The following CD86 variants were observed in gnomAD, a reference collection of about 807,000 sequenced individuals.
CD86 encodes CD86 molecule, also known as T-lymphocyte activation antigen CD86.
CD86 carries 11 observed loss-of-function variants against 32.1 expected under a neutral mutation model. The observed-to-expected ratio is 0.34, with a 90% CI of 0.22 to 0.57. The LOEUF (loss-of-function observed/expected upper bound fraction) is 0.57. Ranked by LOEUF, CD86 falls within the 20% of genes least tolerant of loss-of-function variation. The pLI, the probability that CD86 is intolerant of heterozygous loss-of-function variation, is 0.86. For missense variants in CD86, 359 were observed against 398.4 expected (o/e 0.90, Z 0.84); for synonymous variants, 137 against 135.3 (o/e 1.01, Z -0.09).
chr3:122,095,480 C>T (rs377494413), intron 2 of CD86, among the ~76,000 whole-genome samples: 5 of 152,160 alleles, frequency 3.3e-5, no homozygotes, highest in Non-Finnish European at 5.9e-5. Context: ...CCACTGCGCC[C>T]GGCCCACCTT....
intron 2 of CD86, among the ~76,000 whole-genome samples, chr3:122,102,123 G>T (rs977232730): frequency 3.4e-4 from 52 of 152,256 alleles, no homozygotes; most frequent in Admixed American, 7.2e-4. Flanking sequence ...ACAAGTGCAT[G>T]TCACTGTTAT....
At chr3:122,090,891 T>C (rs572030334) in intron 1 of CD86, among the ~76,000 whole-genome samples, 1 of 152,298 alleles carries the variant, frequency 6.6e-6, no homozygotes, top group African/African-American at 2.4e-5. Flanking sequence ...TCACCTTATG[T>C]TGTTAAACAT....
chr3:122,057,790 G>A (rs1576753489), intron 1 of CD86, among the ~76,000 whole-genome samples: 1 of 152,136 alleles, frequency 6.6e-6, no homozygotes, highest in East Asian at 1.9e-4. Flanking sequence ...GATCTTGAAA[G>A]GCATGTTCTG....
At chr3:122,061,828 A>G (rs946351144) in intron 1 of CD86, among the ~76,000 whole-genome samples, 1 of 152,232 alleles carries the variant, frequency 6.6e-6, no homozygotes, top group Non-Finnish European at 1.5e-5. Context: ...TGACCCAGCA[A>G]CTGCATTCTT....
intron 2 of CD86, among the ~76,000 whole-genome samples, chr3:122,093,721 G>A (rs2072863573): frequency 6.6e-6 from 1 of 152,040 alleles, no homozygotes; most frequent in African/African-American, 2.4e-5. Flanking sequence ...CCCTTACTTT[G>A]TGCCTGGTAC....
Position 122,120,533 on chromosome 3 carries a change from T to C in CD86, c.*999T>C, listed in dbSNP as rs2073328067. On this transcript the variant is annotated 3_prime_UTR_variant, in exon 7 of 7. Transcript: ENST00000330540. ...AAATGGACATAAGACAGACAGCAGT[T>C]TCCCTGGTGGTCAGGGAGGGGTTTT... 2.0e-5 allele frequency: 3 copies of C among 152,244 alleles called. No homozygotes were observed. The South Asian group carries it at 6.2e-4, about 31-fold the overall frequency. The allele number at this position is 152,244 out of a possible 1,614,324, so 9.4% of individuals were successfully genotyped here. A position where few individuals can be genotyped will look rare whatever the true frequency, so the allele number is the denominator to read the frequency against.
intron 1 of CD86, among the ~76,000 whole-genome samples, chr3:122,082,525 C>T (rs1174998007): frequency 6.6e-6 from 1 of 152,174 alleles, no homozygotes; most frequent in Non-Finnish European, 1.5e-5. Context: ...AACGTGATAC[C>T]ACAAGCGATG....
chr3:122,077,467 TAATG>T (rs2072570128), intron 1 of CD86, among the ~76,000 whole-genome samples: 1 of 152,230 alleles, frequency 6.6e-6, no homozygotes, highest in Non-Finnish European at 1.5e-5. Flanking sequence ...GAGATGTACT[TAATG>T]AATGATTTTG....
rs2072590773 is a variant in CD86, at chr3:122,078,871, G to T, written c.15-12730G>T. On this transcript the variant is annotated intron_variant, in intron 1 of 6. Transcript: ENST00000330540. ...CATGTAACCTCAATCTTGGGACTAAGGCCCTGTACTAAAATGCGTCTATTT... is the reference window on the plus strand; with the variant it reads ...CATGTAACCTCAATCTTGGGACTAATGCCCTGTACTAAAATGCGTCTATTT... 1.3e-5 allele frequency among the ~76,000 whole-genome samples: 2 copies of T among 152,212 alleles called. 1 individual carries two copies. Among genetic ancestry groups the T allele is most frequent in the South Asian group, 4.1e-4 (2 of 4,838 alleles).
At chr3:122,102,832 G>T (rs1021433427) in intron 2 of CD86, among the ~76,000 whole-genome samples, 2 of 149,270 alleles carry the variant, frequency 1.3e-5, no homozygotes, top group African/African-American at 5.1e-5. Flanking sequence ...AAAGGCCTTG[G>T]TTCACTATCG....
chr3:122,106,094 G>A, intron 3 of CD86, 104 bp from the exon 4 acceptor site: 2 of 812,408 alleles, frequency 2.5e-6, no homozygotes, highest in African/African-American at 1.7e-5. Context: ...AGGCTCCCAG[G>A]TGTGCCCCAA....
At chr3:122,061,611 A>G (rs1177875366) in intron 1 of CD86, among the ~76,000 whole-genome samples, 3 of 152,218 alleles carry the variant, frequency 2.0e-5, no homozygotes, top group Non-Finnish European at 2.9e-5. Flanking sequence ...TAAGAGAGTC[A>G]ACATCATTTG....
chr3:122,082,216 G>A (rs1192265598), intron 1 of CD86, among the ~76,000 whole-genome samples: 2 of 152,156 alleles, frequency 1.3e-5, no homozygotes, highest in African/African-American at 4.8e-5. Context: ...GTCATTGCTT[G>A]TAGCTCTCTA....
intron 1 of CD86, among the ~76,000 whole-genome samples, chr3:122,057,570 G>T (rs1293802162): frequency 6.6e-6 from 1 of 151,890 alleles, no homozygotes; most frequent in Non-Finnish European, 1.5e-5. Flanking sequence ...TTTTCAATTT[G>T]AATCCCATCT....
intron 1 of CD86, among the ~76,000 whole-genome samples, chr3:122,069,435 A>G (rs2072458687): frequency 2.0e-5 from 3 of 152,234 alleles, no homozygotes; most frequent in Admixed American, 6.5e-5. Context: ...GCTAGAGTCA[A>G]TAGTGATTGC....
intron 1 of CD86, among the ~76,000 whole-genome samples, chr3:122,064,668 A>G (rs2072388809): frequency 6.6e-6 from 1 of 152,204 alleles, no homozygotes; most frequent in Admixed American, 6.5e-5. Flanking sequence ...CAAACTTACC[A>G]GTGAAATCCT....
intron 1 of CD86, among the ~76,000 whole-genome samples, chr3:122,067,501 C>T (rs2072431708): frequency 6.6e-6 from 1 of 152,134 alleles, no homozygotes; most frequent in Non-Finnish European, 1.5e-5. Flanking sequence ...TCCCAAGAGA[C>T]CAAAACAAAA....
At chr3:122,117,162 C>T (rs954805407) in intron 5 of CD86, among the ~76,000 whole-genome samples, 3 of 152,044 alleles carry the variant, frequency 2.0e-5, no homozygotes, top group African/African-American at 4.8e-5. Context: ...ACCTGTCACC[C>T]GAGCAATGTC....
At chr3:122,089,157 C>A (rs1048892097) in intron 1 of CD86, among the ~76,000 whole-genome samples, 12 of 152,028 alleles carry the variant, frequency 7.9e-5, no homozygotes, top group African/African-American at 2.9e-4. Flanking sequence ...TGGTGGTTGG[C>A]AAGAGCTGAG....
Sources: gnomAD v4.1 joint callset for allele counts (sites outside exome capture counted in the v4.1 genomes callset) on GRCh38, gnomAD v4.1.1 for gene constraint, MANE v1.5 for transcripts, NCBI Gene and HGNC (gene_info 2026-07-23, HGNC 2026-07-21) for gene names.